ACMSD: variants seen among roughly 807,000 people sequenced by gnomAD.
ACMSD encodes aminocarboxymuconate semialdehyde decarboxylase, also known as 2-amino-3-carboxymuconate-6-semialdehyde decarboxylase.
In ACMSD, 37 loss-of-function variants were observed where a neutral mutation model predicts 45.9. The observed-to-expected ratio is 0.81, with a 90% CI of 0.62 to 1.06. ACMSD has a LOEUF of 1.06. Ranked by LOEUF, ACMSD falls within the 50% of genes least tolerant of loss-of-function variation. The probability of loss-of-function intolerance (pLI) is 0.00; values close to 1 mark genes in which losing one functional copy is unlikely to be tolerated. For synonymous variants in ACMSD, 138 were observed against 148.8 expected (o/e 0.93, Z 0.53); for missense variants, 434 against 420.9 (o/e 1.03, Z -0.27).
intron 4 of ACMSD, 49 bp downstream of exon 4, chr2:134,862,067 G>A: frequency 6.2e-7 from 1 of 1,609,604 alleles, no homozygotes; most frequent in African/African-American, 1.3e-5. Flanking sequence ...GGTTCGTGTT[G>A]AGCTCCCAAA....
chr2:134,881,349 T>C (rs1689026590), intron 8 of ACMSD, among the ~76,000 whole-genome samples: 1 of 152,214 alleles, frequency 6.6e-6, no homozygotes, highest in Non-Finnish European at 1.5e-5. Context: ...TTCTGTAAAA[T>C]AGAAAGTATT....
chr2:134,879,814 T>C (rs552059598), intron 8 of ACMSD, among the ~76,000 whole-genome samples: 36 of 152,328 alleles, frequency 2.4e-4, no homozygotes, highest in Admixed American at 2.1e-3. Context: ...TAAAGAAATA[T>C]CTTCAGGAGC....
In ACMSD at chr2:134,902,015, A is replaced by G; in HGVS notation, c.*155A>G. 2.1e-6 allele frequency: 1 copy of G among 478,318 alleles called. No homozygotes were observed. The allele number at this position is 478,318 out of a possible 1,614,324, so 29.6% of individuals were successfully genotyped here. A position where few individuals can be genotyped will look rare whatever the true frequency, so the allele number is the denominator to read the frequency against. ...ATTATTCATAATAAAAATGATTTGT[A>G]AGTGTTTTCATTCTGAAAAGCAGTA... On this transcript the variant is annotated 3_prime_UTR_variant, in exon 10 of 10. Transcript: ENST00000356140.
chr2:134,867,550 T>C (rs1178370411), intron 5 of ACMSD, 29 bp from the exon 6 acceptor site: 4 of 1,133,812 alleles, frequency 3.5e-6, no homozygotes, highest in Non-Finnish European at 3.7e-6. Context: ...AAAGTAACCC[T>C]CTCTCTCTCT....
intron 9 of ACMSD, among the ~76,000 whole-genome samples, chr2:134,899,386 A>C (rs1305080168): frequency 6.6e-6 from 1 of 152,120 alleles, no homozygotes; most frequent in Non-Finnish European, 1.5e-5. Flanking sequence ...TTGGCACTAA[A>C]AGTCTTGAAC....
intron 1 of ACMSD, among the ~76,000 whole-genome samples, chr2:134,839,258 T>C (rs540033505): frequency 3.2e-4 from 48 of 152,214 alleles, no homozygotes; most frequent in Non-Finnish European, 5.9e-4. Flanking sequence ...TTTGATGTTC[T>C]TTATTCTATA....
chr2:134,856,344 A>G (rs1452983581), intron 2 of ACMSD, among the ~76,000 whole-genome samples: 1 of 152,188 alleles, frequency 6.6e-6, no homozygotes, highest in Non-Finnish European at 1.5e-5. Context: ...TTCTTTAGGA[A>G]TCACAAACTG....
intron 8 of ACMSD, among the ~76,000 whole-genome samples, chr2:134,886,541 G>A (rs976021907): frequency 1.3e-5 from 2 of 151,934 alleles, no homozygotes; most frequent in Admixed American, 1.3e-4. Context: ...GAGCCACTGC[G>A]CCCGGCCCAT....
At chr2:134,898,221 T>C (rs555194305) in intron 8 of ACMSD, 120 bp from the exon 9 acceptor site, 4 of 555,498 alleles carry the variant, frequency 7.2e-6, no homozygotes, top group African/African-American at 5.9e-5. Context: ...ATGTTTCTAT[T>C]AATCAGGAAA....
chr2:134,874,955 T>C (rs1274152311), intron 8 of ACMSD, among the ~76,000 whole-genome samples: 1 of 152,176 alleles, frequency 6.6e-6, no homozygotes, highest in Non-Finnish European at 1.5e-5. Context: ...ATAAAGGTAA[T>C]TATCAAACGA....
At chr2:134,871,426 G>C (rs548133042) in intron 7 of ACMSD, among the ~76,000 whole-genome samples, 1 of 151,896 alleles carries the variant, frequency 6.6e-6, no homozygotes, top group Non-Finnish European at 1.5e-5. Flanking sequence ...AATTCAGTTC[G>C]TAACATCCTT....
chr2:134,863,123 T>C (rs2104856748), intron 4 of ACMSD: 1 of 877,722 alleles, frequency 1.1e-6, no homozygotes, highest in Non-Finnish European at 1.4e-6. Context: ...AGTGTTGGGA[T>C]ACCATGCCAG....
intron 8 of ACMSD, 84 bp downstream of exon 8, chr2:134,872,725 C>A: frequency 6.8e-7 from 1 of 1,480,108 alleles, no homozygotes; most frequent in Non-Finnish European, 9.3e-7. Flanking sequence ...GGCCTCTCTC[C>A]AAAAAAGGGA....
chr2:134,887,231 A>T (rs1689514563), intron 8 of ACMSD, among the ~76,000 whole-genome samples: 2 of 152,228 alleles, frequency 1.3e-5, no homozygotes, highest in Admixed American at 6.5e-5. Context: ...AGATATACAA[A>T]GGACTAGAAG....
Position 134,853,760 on chromosome 2 carries a change from T to C in ACMSD, c.103-5501T>C, listed in dbSNP as rs549587230. On this transcript the variant is annotated intron_variant, in intron 2 of 9. Coordinates refer to ENST00000356140, the MANE Select transcript of ACMSD (RefSeq NM_138326.3). The stretch of plus-strand genomic sequence containing the variant: ...TTATACGGGCACAGCTGCTCTGCAG[T>C]GATTTTTACTCAGAAAGAGTTCTAC... Among the ~76,000 whole-genome samples the C allele has an allele frequency of 2.0e-5, 3 of 152,134 alleles. No homozygotes were observed. The East Asian group carries it at 5.8e-4, about 29-fold the overall frequency.
chr2:134,867,922 T>C (rs1162914081), intron 6 of ACMSD, among the ~76,000 whole-genome samples: 1 of 152,152 alleles, frequency 6.6e-6, no homozygotes, highest in Non-Finnish European at 1.5e-5. Context: ...GACATTATAA[T>C]GATCATTTTA....
intron 2 of ACMSD, among the ~76,000 whole-genome samples, chr2:134,851,836 T>C (rs903813112): frequency 2.6e-4 from 39 of 152,204 alleles, no homozygotes; most frequent in African/African-American, 9.4e-4. Context: ...TATCTCATTG[T>C]GGTTTTGATT....
At chr2:134,862,945 G>A (rs1195569539) in intron 4 of ACMSD, 120 of 984,930 alleles carry the variant, frequency 1.2e-4, no homozygotes, top group Non-Finnish European at 1.4e-4. Context: ...AGGAGGACAG[G>A]CAGGGGCAGG....
chr2:134,840,180 A>AAAAAAAAAAAAAC lies in ACMSD; in HGVS notation c.57+1453_57+1454insCAAAAAAAAAAAA, dbSNP rs1686726453. On this transcript the variant is annotated intron_variant, in intron 1 of 9. Transcript: ENST00000356140. Reference sequence around the variant, plus strand: ...AACTATACCTAGCAAAAAAAAAAAAAAAAAAAAAAAAAACCACTAATTCCT... The same window carrying AAAAAAAAAAAAAC: ...AACTATACCTAGCAAAAAAAAAAAAAAAAAAAAAAAAACAAAAAAAAAAAAACCACTAATTCCT... 3.6e-5 allele frequency among the ~76,000 whole-genome samples: 5 copies of AAAAAAAAAAAAAC among 140,146 alleles called. 1 individual carries two copies. The East Asian group carries it at 7.7e-4, about 21-fold the overall frequency. The allele number at this position is 140,146 out of a possible 152,430, so 91.9% of individuals were successfully genotyped here. A position where few individuals can be genotyped will look rare whatever the true frequency, so the allele number is the denominator to read the frequency against.
Sources: gnomAD v4.1 joint callset for allele counts (sites outside exome capture counted in the v4.1 genomes callset) on GRCh38, gnomAD v4.1.1 for gene constraint, MANE v1.5 for transcripts, NCBI Gene and HGNC (gene_info 2026-07-23, HGNC 2026-07-21) for gene names.